CCNA1: variants seen among roughly 807,000 people sequenced by gnomAD.
CCNA1 encodes cyclin A1.
In CCNA1, 23 loss-of-function variants were observed where a neutral mutation model predicts 54.1. That is an observed-to-expected ratio of 0.42 (90% CI 0.31 to 0.60). The LOEUF is 0.60. Ranked by LOEUF, CCNA1 falls within the 20% of genes least tolerant of loss-of-function variation. CCNA1 has a pLI of 0.14. For missense variants in CCNA1, 450 were observed against 556.7 expected, an observed-to-expected ratio of 0.81 and a Z score of 1.93; for synonymous variants, 208 against 213.9, an observed-to-expected ratio of 0.97 and a Z score of 0.24.
chr13:36,442,452 T>G, intron 8 of CCNA1, 148 bp downstream of exon 8: 1 of 1,112,162 alleles, frequency 9.0e-7, no homozygotes. Context: ...CAAATAAATT[T>G]GAAAAGACCT....
chr13:36,438,004 G>A (rs1046224448), intron 3 of CCNA1, 63 bp from the exon 4 acceptor site: 47 of 1,589,516 alleles, frequency 3.0e-5, no homozygotes, highest in Non-Finnish European at 4.3e-6. Flanking sequence ...GCCTGTAGAG[G>A]GTTAGTGGAT....
Position 36,438,748 on chromosome 13 carries a change from T to A in CCNA1, c.774T>A (p.Tyr258Ter). 1 of 1,614,020 alleles carries A rather than the reference T, an allele frequency of 6.2e-7. No individual in the cohort carries two copies. Among genetic ancestry groups the A allele is most frequent in the East Asian group, 2.2e-5 (1 of 44,866 alleles). The change falls in exon 5 of 9, where the codon TAT becomes TAA. Residue 258 changes from tyrosine to a stop codon, truncating the protein, a stop_gained. Transcript: ENST00000255465. LOFTEE classifies it high-confidence loss of function. ...GGCTGGTGGAGGTTGGGGAAGAATATAAACTTCGAGCAGAGACCCTGTATC... is the reference window on the plus strand; with the variant it reads ...GGCTGGTGGAGGTTGGGGAAGAATAAAAACTTCGAGCAGAGACCCTGTATC...
At chr13:36,434,032 C>T (rs2055770203) in intron 2 of CCNA1, among the ~76,000 whole-genome samples, 1 of 152,156 alleles carries the variant, frequency 6.6e-6, no homozygotes, top group Non-Finnish European at 1.5e-5. Flanking sequence ...ACTGGGGTTC[C>T]TCCAGGTTAG....
chr13:36,433,388 TTCTTTCTTTC>T (rs1333218919), intron 2 of CCNA1, among the ~76,000 whole-genome samples, 167 bp downstream of exon 2: 6 of 83,548 alleles, frequency 7.2e-5, no homozygotes, highest in Non-Finnish European at 1.2e-4. Context: ...CTTTCTTTCT[TTCTTTCTTTC>T]TTTCTTTCTT....
At chr13:36,442,067 G>A (rs2055881704) in intron 7 of CCNA1, 104 bp from the exon 8 acceptor site, 2 of 827,220 alleles carry the variant, frequency 2.4e-6, no homozygotes, top group East Asian at 4.9e-5. Context: ...CGAGATGAAT[G>A]TGAATATTTA....
chr13:36,435,161 G>C lies in CCNA1; in HGVS notation c.297+1940G>C, dbSNP rs150069706. Among the ~76,000 whole-genome samples, 441 of 152,260 alleles carry C rather than the reference G, an allele frequency of 2.9e-3. 2 individuals carry two copies. Among genetic ancestry groups the C allele is most frequent in the Admixed American group, 8.5e-3 (130 of 15,292 alleles). On this transcript the variant is annotated intron_variant, in intron 2 of 8. Coordinates refer to ENST00000255465, the MANE Select transcript of CCNA1 (RefSeq NM_003914.4). ...GTCTAGGAGCTGTTTGCATTATGTC[G>C]ATTAAAGTAATTTAAGTGCTTAAAG...
intron 4 of CCNA1, among the ~76,000 whole-genome samples, 176 bp from the exon 5 acceptor site, chr13:36,438,468 C>G (rs544415707): frequency 6.6e-6 from 1 of 152,194 alleles, no homozygotes; most frequent in African/African-American, 2.4e-5. Flanking sequence ...ATTTGCTAAC[C>G]AATTACTTTA....
chr13:36,433,415 T>TTTCGTTCG lies in CCNA1; in HGVS notation c.297+197_297+198insGTTCGTTC, dbSNP rs1491484506. Among the ~76,000 whole-genome samples the TTTCGTTCG allele has an allele frequency of 4.4e-4, 54 of 121,702 alleles. 4 individuals are homozygous for TTTCGTTCG. The highest frequency in any genetic ancestry group is 1.7e-3 in the African/African-American group (52 of 31,350). The allele number at this position is 121,702 out of a possible 152,430, so 79.8% of individuals were successfully genotyped here. On this transcript the variant is annotated intron_variant, in intron 2 of 8. Transcript: ENST00000255465. ...CTTTCTTTCTTTCTTTCTTTCTTTCTTTCTTTCTTTCTTTCTTTCTTTCTT... is the reference window on the plus strand; with the variant it reads ...CTTTCTTTCTTTCTTTCTTTCTTTCTTTCGTTCGTTCTTTCTTTCTTTCTTTCTTTCTT...
chr13:36,432,549 G>T lies in CCNA1; in HGVS notation c.-73G>T. On this transcript the variant is annotated 5_prime_UTR_variant, in exon 1 of 9. Coordinates refer to ENST00000255465, the MANE Select transcript of CCNA1 (RefSeq NM_003914.4). The stretch of plus-strand genomic sequence containing the variant: ...ACGGGAAGAGCGGGGCCCGCTTTGG[G>T]GTCCAGGCAGGTTTTGGGGCCTCCT... 1.2e-6 allele frequency: 1 copy of T among 835,256 alleles called. No individual in the cohort carries two copies. Among genetic ancestry groups the T allele is most frequent in the South Asian group, 1.7e-5 (1 of 57,412 alleles). 51.7% of individuals were successfully genotyped at this position (835,256 alleles called of 1,614,324 possible). A position where few individuals can be genotyped will look rare whatever the true frequency, so the allele number is the denominator to read the frequency against.
Position 36,432,511 on chromosome 13 carries a change from T to C in CCNA1, c.-111T>C, listed in dbSNP as rs2055724795. ...GCACTTGCCAGTTGTTCCGGACACATAGAAAGATAACGACGGGAAGAGCGG... is the reference window on the plus strand; with the variant it reads ...GCACTTGCCAGTTGTTCCGGACACACAGAAAGATAACGACGGGAAGAGCGG... On this transcript the variant is annotated 5_prime_UTR_variant, in exon 1 of 9. Coordinates refer to ENST00000255465, the MANE Select transcript of CCNA1 (RefSeq NM_003914.4). 2.3e-6 allele frequency: 1 copy of C among 440,914 alleles called. No homozygotes were observed. Among genetic ancestry groups the C allele is most frequent in the Non-Finnish European group, 4.2e-6 (1 of 239,512 alleles). 27.3% of individuals were successfully genotyped at this position (440,914 alleles called of 1,614,324 possible).
rs17053963 is a variant in CCNA1, at chr13:36,442,425, G to T, written c.1346+121G>T. The T allele has an allele frequency of 1.6e-3, 1,918 of 1,196,204 alleles. 30 individuals are homozygous for T. In the African/African-American group the frequency reaches 0.024, roughly 15 times the overall value. The allele number at this position is 1,196,204 out of a possible 1,614,324, so 74.1% of individuals were successfully genotyped here. A position where few individuals can be genotyped will look rare whatever the true frequency, so the allele number is the denominator to read the frequency against. ...CTGGTGCCAGGTTGGAAAAGTAAGG[G>T]TACGTGTACAAATTTACAAATAAAT... On this transcript the variant is annotated intron_variant, in intron 8 of 8. Transcript: ENST00000255465.
rs375639121 is a variant in CCNA1, at chr13:36,442,662, A to G, written c.1395A>G (p.Gln465=). Residue 465 remains glutamine, a synonymous_variant, in exon 9 of 9, where the codon CAA becomes CAG. Transcript: ENST00000255465. ...AGCCACCTGCAGTTCTTCTTCTACA[A>G]TAAGTTTCTGAATGGAAGCACTTCC... The G allele has an allele frequency of 1.0e-4, 167 of 1,613,654 alleles. No homozygotes were observed. The South Asian group carries it at 1.6e-3, about 15-fold the overall frequency.
upstream of CCNA1, chr13:36,432,038 A>T (rs1477527836): frequency 6.5e-6 from 1 of 153,074 alleles, no homozygotes; most frequent in African/African-American, 2.4e-5. Context: ...GGACGTGTGC[A>T]GACGGCCGCG....
intron 2 of CCNA1, among the ~76,000 whole-genome samples, chr13:36,433,423 TTTCTTTC>T (rs2055752381): frequency 8.2e-6 from 1 of 121,244 alleles, no homozygotes; most frequent in African/African-American, 3.1e-5. Flanking sequence ...TCTTTCTTTC[TTTCTTTC>T]TTTCTTTCTT....
At chr13:36,435,482 T>C (rs997149000) in intron 2 of CCNA1, among the ~76,000 whole-genome samples, 2 of 152,278 alleles carry the variant, frequency 1.3e-5, no homozygotes, top group African/African-American at 4.8e-5. Context: ...TTATTTGACA[T>C]GGCTGATCAT....
At chr13:36,440,534 A>G (rs2055863164) in intron 6 of CCNA1, among the ~76,000 whole-genome samples, 1 of 152,180 alleles carries the variant, frequency 6.6e-6, no homozygotes. Flanking sequence ...TCTCATCCTA[A>G]TATATTAAGT....
intron 8 of CCNA1, 73 bp downstream of exon 8, chr13:36,442,377 T>A (rs761673232): frequency 6.8e-7 from 1 of 1,478,702 alleles, no homozygotes; most frequent in Non-Finnish European, 9.3e-7. Flanking sequence ...GTTACTAGAT[T>A]AAAAATAGAT....
chr13:36,441,269 C>G, intron 7 of CCNA1, 38 bp downstream of exon 7: 3 of 1,294,228 alleles, frequency 2.3e-6, no homozygotes, highest in Non-Finnish European at 3.4e-6. Flanking sequence ...AATTCAAGGT[C>G]TATCTAGAAT....
At chr13:36,433,443 GTTCT>G (rs144960649) in intron 2 of CCNA1, among the ~76,000 whole-genome samples, 15,270 of 53,480 alleles carry the variant, frequency 0.29, 1,723 homozygotes, top group Non-Finnish European at 0.38. Context: ...TCTTTCTTTC[GTTCT>G]TTCTTTCTTT....
Sources: gnomAD v4.1 joint callset for allele counts (sites outside exome capture counted in the v4.1 genomes callset) on GRCh38, gnomAD v4.1.1 for gene constraint, MANE v1.5 for transcripts, NCBI Gene and HGNC (gene_info 2026-07-23, HGNC 2026-07-21) for gene names.